The following SLC4A10 variants were observed in gnomAD, a reference collection of about 807,000 sequenced individuals.
The protein encoded by SLC4A10 is solute carrier family 4 member 10.
SLC4A10 carries 42 observed loss-of-function variants against 137.7 expected under a neutral mutation model. The ratio of observed to expected loss-of-function variants is 0.30; its 90% CI spans 0.24 to 0.39. The LOEUF (loss-of-function observed/expected upper bound fraction) is 0.39, where lower values mean the gene tolerates loss of function less well. Among genes scored for constraint, SLC4A10 ranks in the 10% least tolerant of loss-of-function variants. The pLI is 1.00. For synonymous variants in SLC4A10, 474 were observed against 464.1 expected, an observed-to-expected ratio of 1.02 and a Z score of -0.27; for missense variants, 925 against 1,355.0, an observed-to-expected ratio of 0.68 and a Z score of 4.98.
intron 2 of SLC4A10, among the ~76,000 whole-genome samples, chr2:161,783,594 A>G (rs772280576): frequency 6.6e-6 from 1 of 151,980 alleles, no homozygotes; most frequent in Non-Finnish European, 1.5e-5. Context: ...TAGATACACA[A>G]TATAAAGAAA....
intron 12 of SLC4A10, among the ~76,000 whole-genome samples, chr2:161,903,736 T>A (rs562692896): frequency 6.6e-6 from 1 of 152,276 alleles, no homozygotes; most frequent in East Asian, 1.9e-4. Flanking sequence ...TTATTTGGAT[T>A]ATGATTGGTA....
intron 1 of SLC4A10, among the ~76,000 whole-genome samples, chr2:161,713,515 C>G (rs1037638336): frequency 6.6e-6 from 1 of 151,776 alleles, no homozygotes; most frequent in African/African-American, 2.4e-5. Context: ...ATTTCAGATC[C>G]TAAGAGACCT....
intron 1 of SLC4A10, among the ~76,000 whole-genome samples, chr2:161,674,038 C>T (rs2040023657): frequency 6.6e-6 from 1 of 152,168 alleles, no homozygotes; most frequent in Admixed American, 6.6e-5. Flanking sequence ...AAAAAATCCA[C>T]ATTTAAAAAT....
chr2:161,866,593 A>G lies in SLC4A10; in HGVS notation c.766+3531A>G, dbSNP rs535706446. Among the ~76,000 whole-genome samples the G allele has an allele frequency of 1.6e-3, 243 of 152,126 alleles. 1 individual carries two copies. Among genetic ancestry groups the G allele is most frequent in the African/African-American group, 5.6e-3 (231 of 41,566 alleles). ...TGACAGTTACATTTGGCAAAACAACAGCAAAAATAATAGAAAAATAATATC... is the reference window on the plus strand; with the variant it reads ...TGACAGTTACATTTGGCAAAACAACGGCAAAAATAATAGAAAAATAATATC... On this transcript the variant is annotated intron_variant, in intron 6 of 26. Transcript: ENST00000446997.
intron 1 of SLC4A10, among the ~76,000 whole-genome samples, chr2:161,706,942 G>A (rs1459941284): frequency 6.6e-6 from 1 of 151,470 alleles, no homozygotes; most frequent in Admixed American, 6.6e-5. Flanking sequence ...GTGATGGCAG[G>A]TTTTGTGTTG....
At chr2:161,840,925 A>G (rs1430528360) in intron 4 of SLC4A10, among the ~76,000 whole-genome samples, 1 of 152,208 alleles carries the variant, frequency 6.6e-6, no homozygotes, top group Non-Finnish European at 1.5e-5. Flanking sequence ...AGAGAGGATC[A>G]GGGTAGCTTC....
intron 2 of SLC4A10, among the ~76,000 whole-genome samples, chr2:161,800,358 C>T (rs2055244967): frequency 6.6e-6 from 1 of 151,946 alleles, no homozygotes; most frequent in Admixed American, 6.6e-5. Context: ...ACTTGAAAAC[C>T]ATCCTCTCTA....
intron 1 of SLC4A10, among the ~76,000 whole-genome samples, chr2:161,632,900 A>G (rs995732875): frequency 1.3e-5 from 2 of 151,740 alleles, no homozygotes; most frequent in Non-Finnish European, 3.0e-5. Context: ...TTTGCCATAA[A>G]ACAGCCTTTT....
intron 3 of SLC4A10, among the ~76,000 whole-genome samples, chr2:161,835,470 T>G (rs185889551): frequency 3.5e-4 from 54 of 152,298 alleles, no homozygotes; most frequent in Admixed American, 2.3e-3. Context: ...TTATGTAAGC[T>G]TCAGACGATT....
intron 1 of SLC4A10, among the ~76,000 whole-genome samples, chr2:161,660,611 T>G (rs868124004): frequency 6.8e-6 from 1 of 146,784 alleles, no homozygotes; most frequent in Non-Finnish European, 1.5e-5. Flanking sequence ...TTTCTTTCTT[T>G]CTTTCTTTCT....
intron 26 of SLC4A10, among the ~76,000 whole-genome samples, chr2:161,982,609 G>A (rs1700365574): frequency 6.6e-6 from 1 of 152,196 alleles, no homozygotes; most frequent in African/African-American, 2.4e-5. Context: ...CACAGGGTAA[G>A]GGTTTGTCTG....
chr2:161,781,352 A>G (rs1455713570), intron 2 of SLC4A10, among the ~76,000 whole-genome samples: 1 of 152,020 alleles, frequency 6.6e-6, no homozygotes, highest in Non-Finnish European at 1.5e-5. Context: ...AATATCTTCC[A>G]CTTATGTCCT....
intron 1 of SLC4A10, among the ~76,000 whole-genome samples, chr2:161,747,360 G>A (rs534965883): frequency 1.8e-4 from 27 of 152,224 alleles, no homozygotes; most frequent in African/African-American, 6.5e-4. Context: ...CCAATGCAAA[G>A]TCCCACAATC....
intron 1 of SLC4A10, among the ~76,000 whole-genome samples, chr2:161,629,426 A>G (rs922995923): frequency 6.6e-6 from 1 of 151,406 alleles, no homozygotes; most frequent in African/African-American, 2.4e-5. Flanking sequence ...TGAGAGCGAT[A>G]TAGGTTCGCA....
intron 11 of SLC4A10, among the ~76,000 whole-genome samples, chr2:161,896,614 C>T (rs915784181): frequency 2.6e-5 from 4 of 152,102 alleles, no homozygotes; most frequent in Admixed American, 1.3e-4. Flanking sequence ...GAACTACAAA[C>T]CACTGCTCAA....
intron 3 of SLC4A10, among the ~76,000 whole-genome samples, chr2:161,816,833 T>A (rs1355401453): frequency 1.3e-5 from 2 of 152,164 alleles, no homozygotes; most frequent in African/African-American, 4.8e-5. Flanking sequence ...GGCTGCATAG[T>A]ATTCCATGGT....
chr2:161,834,809 A>G (rs1261192668), intron 3 of SLC4A10, among the ~76,000 whole-genome samples: 1 of 152,158 alleles, frequency 6.6e-6, no homozygotes, highest in African/African-American at 2.4e-5. Flanking sequence ...ATGGATAAAT[A>G]GATCAGATTG....
intron 5 of SLC4A10, 62 bp from the exon 6 acceptor site, chr2:161,862,812 C>A: frequency 1.5e-6 from 2 of 1,340,468 alleles, no homozygotes; most frequent in Non-Finnish European, 9.8e-7. Flanking sequence ...CTCAGTGGTT[C>A]ACGGCTGGCA....
intron 2 of SLC4A10, among the ~76,000 whole-genome samples, chr2:161,798,294 C>T (rs1452452436): frequency 6.6e-6 from 1 of 151,900 alleles, no homozygotes; most frequent in Non-Finnish European, 1.5e-5. Context: ...GCAACTCAGT[C>T]ATTATGCAAC....
Sources: gnomAD v4.1 joint callset for allele counts (sites outside exome capture counted in the v4.1 genomes callset) on GRCh38, gnomAD v4.1.1 for gene constraint, MANE v1.5 for transcripts, NCBI Gene and HGNC (gene_info 2026-07-23, HGNC 2026-07-21) for gene names.